The following ALDH1L1 variants were observed in gnomAD, a reference collection of about 807,000 sequenced individuals.
ALDH1L1 encodes cytosolic 10-formyltetrahydrofolate dehydrogenase.
ALDH1L1 carries 68 observed loss-of-function variants against 101.1 expected under a neutral mutation model. The ratio of observed to expected loss-of-function variants is 0.67; its 90% confidence interval spans 0.55 to 0.82. The LOEUF (loss-of-function observed/expected upper bound fraction) is 0.82, where lower values mean the gene tolerates loss of function less well. Among genes scored for constraint, ALDH1L1 ranks in the 40% least tolerant of loss-of-function variants. The probability of loss-of-function intolerance (pLI) is 0.00; values close to 1 mark genes in which losing one functional copy is unlikely to be tolerated. For synonymous variants in ALDH1L1, 486 were observed against 470.8 expected (o/e 1.03, Z -0.42); for missense variants, 1,087 against 1,172.7 (o/e 0.93, Z 1.07).
intron 1 of ALDH1L1, among the ~76,000 whole-genome samples, chr3:126,189,109 A>G (rs1225824226): frequency 2.0e-5 from 3 of 152,240 alleles, no homozygotes; most frequent in Non-Finnish European, 4.4e-5. Flanking sequence ...GCTCTATAAA[A>G]GGGACCACAA....
chr3:126,118,229 C>T, intron 16 of ALDH1L1, 131 bp from the exon 17 acceptor site: 1 of 720,468 alleles, frequency 1.4e-6, no homozygotes, highest in Non-Finnish European at 2.4e-6. Flanking sequence ...GCTTGATCCC[C>T]ATGGTGCCTG....
At chr3:126,194,611 T>C (rs1474769535) in intron 1 of ALDH1L1, among the ~76,000 whole-genome samples, 8 of 152,180 alleles carry the variant, frequency 5.3e-5, no homozygotes, top group Admixed American at 5.2e-4. Flanking sequence ...AAAAACTGAA[T>C]AATACCCCTT....
intron 1 of ALDH1L1, among the ~76,000 whole-genome samples, chr3:126,165,659 T>C (rs1002528239): frequency 6.6e-6 from 1 of 152,184 alleles, no homozygotes; most frequent in Non-Finnish European, 1.5e-5. Flanking sequence ...TGGGAGATTG[T>C]GTGTTTCTAG....
rs920895292 is a variant in ALDH1L1 at position 126,148,309 on chromosome 3, G to A, written c.985-1383C>T. Among the ~76,000 whole-genome samples, 4 of 152,296 alleles carry A rather than the reference G, an allele frequency of 2.6e-5. No individual in the cohort carries two copies. In the East Asian group the frequency reaches 7.7e-4, roughly 29 times the overall value. On this transcript the variant is annotated intron_variant, in intron 8 of 22. Coordinates refer to ENST00000393434, the MANE Select transcript of ALDH1L1 (RefSeq NM_012190.4). Reference sequence around the variant, plus strand: ...TACAGGGAGAGTCAGCAAACACAACGTTTCTGCCATGGGCAGCAACTGCCC... The same window carrying A: ...TACAGGGAGAGTCAGCAAACACAACATTTCTGCCATGGGCAGCAACTGCCC...
intron 3 of ALDH1L1, 72 bp downstream of exon 3, chr3:126,158,333 T>C (rs546189176): frequency 2.2e-6 from 3 of 1,391,652 alleles, no homozygotes; most frequent in African/African-American, 2.9e-5. Flanking sequence ...TTTGGGCTAA[T>C]GGAAAGTGAC....
intron 1 of ALDH1L1, among the ~76,000 whole-genome samples, chr3:126,164,404 T>C (rs905862575): frequency 4.6e-5 from 7 of 152,206 alleles, no homozygotes; most frequent in Admixed American, 2.0e-4. Flanking sequence ...GTCTGCAGTG[T>C]CTGTTGTTCC....
In ALDH1L1 at chr3:126,180,487, G is replaced by A; in HGVS notation, c.-35C>T. On this transcript the variant is annotated 5_prime_UTR_variant, in exon 1 of 23. Transcript: ENST00000393434. ...GCCCAGAAACTCACCGCGCGCAGGA[G>A]TTGGTGCGGGCGTCCCGGGCAGGTT... 1 of 996,812 alleles carries A rather than the reference G, an allele frequency of 1.0e-6. No individual in the cohort carries two copies. Among genetic ancestry groups the A allele is most frequent in the African/African-American group, 1.7e-5 (1 of 57,698 alleles). 61.7% of individuals were successfully genotyped at this position (996,812 alleles called of 1,614,324 possible).
At chr3:126,115,885 T>G (rs572954960) in intron 17 of ALDH1L1, among the ~76,000 whole-genome samples, 22 of 151,902 alleles carry the variant, frequency 1.4e-4, no homozygotes, top group Admixed American at 2.0e-4. Flanking sequence ...TTTTTTTTTT[T>G]CCTTTGAGAT....
At chr3:126,148,580 G>A (rs1002233034) in intron 8 of ALDH1L1, among the ~76,000 whole-genome samples, 11 of 152,258 alleles carry the variant, frequency 7.2e-5, no homozygotes, top group Middle Eastern at 3.4e-3. Flanking sequence ...CCATCCTAGC[G>A]ATGGCCTTAG....
intron 1 of ALDH1L1, among the ~76,000 whole-genome samples, chr3:126,177,845 G>T (rs1284806057): frequency 1.3e-5 from 2 of 151,022 alleles, no homozygotes; most frequent in Admixed American, 6.6e-5. Flanking sequence ...TTCAAAAGCA[G>T]CCTGGCTAAC....
chr3:126,147,242 A>G (rs186896805), intron 8 of ALDH1L1, among the ~76,000 whole-genome samples: 61 of 152,272 alleles, frequency 4.0e-4, no homozygotes, highest in Admixed American at 1.4e-3. Flanking sequence ...CCAGGCCTCT[A>G]GGCATGGCTG....
rs16837178 is a variant in ALDH1L1, at chr3:126,153,450, G to A, written c.852C>T (p.Asp284=). 89,379 of 1,613,710 alleles carry A rather than the reference G, an allele frequency of 0.055. 2,965 individuals carry two copies. The highest frequency in any genetic ancestry group is 0.12 in the African/African-American group (9,351 of 75,012). ...CCCACAGCCGTGCCCTTACCATTTT[G>A]TCATCATTCCCAAAGAGGATGAGTC... ...KAGLILFGND[D]KMLLVKNIQL... Residue 284 remains aspartate (D), a synonymous_variant, in exon 7 of 23, where the codon GAC becomes GAT. Coordinates refer to ENST00000393434, the MANE Select transcript of ALDH1L1 (RefSeq NM_012190.4).
At chr3:126,114,705 G>T in intron 17 of ALDH1L1, 49 bp from the exon 18 acceptor site, 1 of 1,549,756 alleles carries the variant, frequency 6.5e-7, no homozygotes, top group South Asian at 1.2e-5. Context: ...GGGCAGGTAG[G>T]GGCATTGGGA....
In ALDH1L1 at chr3:126,137,924, C is replaced by T. The variant is rs1357630900; in HGVS notation, c.1113G>A (p.Leu371=). ...TGTACACATCTTCATTTTCTAACTC[C>T]AGGCCATCACACAGCTCCTTCACTT... ...VEEVKELCDG[L]ELENEDVYMA... Residue 371 remains leucine, a synonymous_variant, in exon 10 of 23, where the codon CTG becomes CTA. Coordinates refer to ENST00000393434, the MANE Select transcript of ALDH1L1 (RefSeq NM_012190.4). 1 of 1,614,164 alleles carries T rather than the reference C, an allele frequency of 6.2e-7. No homozygotes were observed. Among genetic ancestry groups the T allele is most frequent in the African/African-American group, 1.3e-5 (1 of 75,036 alleles).
At chr3:126,151,562 T>C (rs113829047) in intron 7 of ALDH1L1, 2 of 152,168 alleles carry the variant, frequency 1.3e-5, no homozygotes, top group African/African-American at 4.8e-5. Context: ...CAAATGCTTT[T>C]GTTAGGGGCC....
chr3:126,174,436 C>G (rs539443342), intron 1 of ALDH1L1, among the ~76,000 whole-genome samples: 2 of 152,282 alleles, frequency 1.3e-5, no homozygotes, highest in East Asian at 3.9e-4. Flanking sequence ...ATACTTCACC[C>G]AACAACAACA....
intron 1 of ALDH1L1, among the ~76,000 whole-genome samples, chr3:126,188,975 C>G (rs910709122): frequency 2.0e-5 from 3 of 152,012 alleles, no homozygotes; most frequent in Non-Finnish European, 2.9e-5. Context: ...GTACAGTACC[C>G]GACGTATTTA....
At chr3:126,158,690 G>A (rs376322219) in intron 2 of ALDH1L1, 51 bp from the exon 3 acceptor site, 273 of 1,549,198 alleles carry the variant, frequency 1.8e-4, no homozygotes, top group Non-Finnish European at 2.3e-4. Context: ...CCACCCACAC[G>A]CAGCCACCTC....
In ALDH1L1 at chr3:126,155,434, A is replaced by G. The variant is rs553552059; in HGVS notation, c.598T>C (p.Tyr200His). Residue 200 changes from tyrosine to histidine, a missense_variant, in exon 5 of 23, where the codon TAT (tyrosine) becomes CAT (histidine). Transcript: ENST00000393434. ...RLPQPEEGAT[Y>H]EGIQKKETAK... ...GTCTCCTTCTTCTGAATCCCCTCAT[A>G]GGTGGCTCCTTCCTCAGGCTGAGGG... The G allele has an allele frequency of 2.4e-5, 38 of 1,612,820 alleles. No homozygotes were observed. The South Asian group carries it at 4.0e-4, about 17-fold the overall frequency.
Sources: allele counts gnomAD v4.1 joint callset (sites outside exome capture counted in the v4.1 genomes callset), GRCh38; gene constraint gnomAD v4.1.1; transcripts MANE v1.5; gene names NCBI Gene and HGNC (gene_info 2026-07-23, HGNC 2026-07-21).